Variants in LITAF observed in about 807,000 individuals in gnomAD.
LITAF encodes the protein lipopolysaccharide induced TNF factor.
LITAF carries 9 observed loss-of-function variants against 14.5 expected under a neutral mutation model. That is an observed-to-expected ratio of 0.62 (90% CI 0.37 to 1.08). LITAF has a LOEUF of 1.08. Ranked by LOEUF, LITAF falls within the 50% of genes least tolerant of loss-of-function variation. LITAF has a pLI of 0.01. For synonymous variants in LITAF, 98 were observed against 88.2 expected, an observed-to-expected ratio of 1.11 and a Z score of -0.62; for missense variants, 206 against 213.4, an observed-to-expected ratio of 0.97 and a Z score of 0.22.
At chr16:11,569,806 G>A (rs1420324795) in intron 1 of LITAF, among the ~76,000 whole-genome samples, 2 of 152,188 alleles carry the variant, frequency 1.3e-5, no homozygotes, top group African/African-American at 2.4e-5. Flanking sequence ...ACAGAGGCAG[G>A]TGGATCACTT....
At chr16:11,571,037 G>A (rs1224671357) in intron 1 of LITAF, among the ~76,000 whole-genome samples, 1 of 152,112 alleles carries the variant, frequency 6.6e-6, no homozygotes, top group Non-Finnish European at 1.5e-5. Flanking sequence ...TTCCCCAGGA[G>A]CCTCCAGGAG....
chr16:11,587,293 C>A (rs985960488), upstream of LITAF: 10 of 437,964 alleles, frequency 2.3e-5, no homozygotes, highest in Admixed American at 5.0e-5. Flanking sequence ...CACTTTCCCC[C>A]CTCCCCGCGC....
At chr16:11,640,237 C>T (rs534941329), upstream of LITAF, among the ~76,000 whole-genome samples, 2 of 152,130 alleles carry the variant, frequency 1.3e-5, no homozygotes, top group South Asian at 2.1e-4. Context: ...GTTCGTGGAG[C>T]GACTGAGTGT....
chr16:11,619,567 T>G (rs1343069656), intron 3 of LITAF, among the ~76,000 whole-genome samples: 1 of 150,748 alleles, frequency 6.6e-6, no homozygotes, highest in African/African-American at 2.4e-5. Flanking sequence ...TTTCCCACTT[T>G]GTTTTTGTTT....
At chr16:11,626,893 A>G (rs888285793) in intron 3 of LITAF, among the ~76,000 whole-genome samples, 7 of 151,676 alleles carry the variant, frequency 4.6e-5, no homozygotes, top group African/African-American at 7.3e-5. Flanking sequence ...CTCAGGATGG[A>G]GTGCAGTGGC....
At chr16:11,601,441 A>G (rs1544678), upstream of LITAF, among the ~76,000 whole-genome samples, 83,724 of 152,070 alleles carry the variant, frequency 0.55, 23,843 homozygotes, top group African/African-American at 0.71. Flanking sequence ...GCCACACAGA[A>G]CCAGGGTAAG....
rs1251092016 is a variant in LITAF, at chr16:11,629,664, G to C, written c.85+3869C>G. 4.6e-5 allele frequency among the ~76,000 whole-genome samples: 7 copies of C among 152,282 alleles called. No individual in the cohort carries two copies. The East Asian group carries it at 1.4e-3, about 29-fold the overall frequency. On this transcript the variant is annotated intron_variant, in intron 3 of 3. Transcript: ENST00000574848. ...ACCTGCTTTTGGGGAAGGAGCTCAT[G>C]GACTGGTTGCAGCTGGGGTGGGAAG...
intron 1 of LITAF, among the ~76,000 whole-genome samples, chr16:11,594,412 C>T (rs564945070): frequency 6.6e-6 from 1 of 152,018 alleles, no homozygotes; most frequent in South Asian, 2.1e-4. Flanking sequence ...ATCACACGGA[C>T]CAGAAAGGAA....
intron 1 of LITAF, among the ~76,000 whole-genome samples, chr16:11,569,941 G>C (rs112397735): frequency 1.4e-3 from 218 of 151,744 alleles, no homozygotes; most frequent in African/African-American, 5.1e-3. Flanking sequence ...GGCTGAGGCA[G>C]AATTGCTTGA....
chr16:11,588,993 C>A (rs936426301), upstream of LITAF, among the ~76,000 whole-genome samples: 1 of 151,996 alleles, frequency 6.6e-6, no homozygotes, highest in Non-Finnish European at 1.5e-5. Context: ...ATTTGTTTTT[C>A]TTTCCCCAAC....
chr16:11,601,306 C>T (rs1038586354), upstream of LITAF, among the ~76,000 whole-genome samples: 1 of 151,872 alleles, frequency 6.6e-6, no homozygotes, highest in African/African-American at 2.4e-5. Flanking sequence ...AACCCCATTC[C>T]ACTGGCCTCC....
At chr16:11,638,887 A>ATTT (rs141585454), upstream of LITAF, among the ~76,000 whole-genome samples, 23 of 146,928 alleles carry the variant, frequency 1.6e-4, no homozygotes, top group African/African-American at 5.2e-4. Flanking sequence ...TAACCTGTGT[A>ATTT]TTTTTTTTTT....
intron 3 of LITAF, among the ~76,000 whole-genome samples, chr16:11,628,009 C>CAAAAAAAAAAAAAAAAAAAAAAAAAAAA (rs34480494): frequency 1.8e-5 from 1 of 54,752 alleles, no homozygotes; most frequent in Non-Finnish European, 3.2e-5. Flanking sequence ...GAGACTCTGT[C>CAAAAAAAAAAAAAAAAAAAAAAAAAAAA]AAAAAAAAAA....
At chr16:11,618,357 C>T (rs2065030104) in intron 3 of LITAF, among the ~76,000 whole-genome samples, 1 of 152,172 alleles carries the variant, frequency 6.6e-6, no homozygotes, top group African/African-American at 2.4e-5. Context: ...AATTTGTAAT[C>T]AGCCAGGCAG....
chr16:11,639,049 G>A (rs1439653144), upstream of LITAF, among the ~76,000 whole-genome samples: 1 of 152,058 alleles, frequency 6.6e-6, no homozygotes, highest in Non-Finnish European at 1.5e-5. Context: ...TGAATGGTTA[G>A]GTAGAGAGAG....
intron 1 of LITAF, among the ~76,000 whole-genome samples, chr16:11,563,177 C>T (rs2064398776): frequency 6.6e-6 from 1 of 151,694 alleles, no homozygotes; most frequent in Admixed American, 6.6e-5. Context: ...GAGTCAGAGT[C>T]TCACTCTGTC....
chr16:11,638,020 A>C (rs1251573337), upstream of LITAF, among the ~76,000 whole-genome samples: 518 of 98,552 alleles, frequency 5.3e-3, 46 homozygotes, highest in African/African-American at 0.017. Context: ...ATATCTATAT[A>C]TATCTATATA....
chr16:11,553,358 C>T lies in LITAF; in HGVS notation c.377+175G>A. 2 of 672,074 alleles carry T rather than the reference C, an allele frequency of 3.0e-6. No homozygotes were observed. The highest frequency in any genetic ancestry group is 2.6e-6 in the Non-Finnish European group (1 of 388,990). 41.6% of individuals were successfully genotyped at this position (672,074 alleles called of 1,614,324 possible). ...CCTGAGCAGTGGGGGTTACAGTGAGCCGAGATCGCCCCACTGTACTCCAGC... is the reference window on the plus strand; with the variant it reads ...CCTGAGCAGTGGGGGTTACAGTGAGTCGAGATCGCCCCACTGTACTCCAGC... On this transcript the variant is annotated intron_variant, in intron 3 of 3. Transcript: ENST00000622633. The surrounding 1 kb of genome is among the most constrained non-coding windows in gnomAD (Gnocchi z 7.7).
At chr16:11,614,458 C>T (rs1436700822) in intron 3 of LITAF, among the ~76,000 whole-genome samples, 2 of 151,970 alleles carry the variant, frequency 1.3e-5, no homozygotes, top group Non-Finnish European at 2.9e-5. Context: ...CACCACCAGG[C>T]CCGGCTAATT....
Sources: allele counts gnomAD v4.1 joint callset (sites outside exome capture counted in the v4.1 genomes callset), GRCh38; gene constraint gnomAD v4.1.1; non-coding constraint Gnocchi (gnomAD v3.1); transcripts MANE v1.5; gene names NCBI Gene and HGNC (gene_info 2026-07-23, HGNC 2026-07-21).